CASQ2: variants seen among roughly 807,000 people sequenced by gnomAD.
CASQ2 encodes the protein calsequestrin-2.
Under a neutral mutation model 46.5 loss-of-function variants are expected in CASQ2, and 49 were observed. The observed-to-expected ratio is 1.05, with a 90% CI of 0.84 to 1.34. The LOEUF is 1.34. CASQ2 is among the 40% of genes most tolerant of loss of function. The pLI, the probability that CASQ2 is intolerant of heterozygous loss-of-function variation, is 0.00. For missense variants in CASQ2, 486 were observed against 481.3 expected (o/e 1.01, Z -0.09); for synonymous variants, 174 against 168.5 (o/e 1.03, Z -0.25).
intron 1 of CASQ2, among the ~76,000 whole-genome samples, chr1:115,758,250 T>C (rs1648826670): frequency 6.6e-6 from 1 of 152,276 alleles, no homozygotes; most frequent in Non-Finnish European, 1.5e-5. Flanking sequence ...ACTCTCTGGC[T>C]AATTTCTCTG....
chr1:115,743,758 A>T (rs1648279496), intron 2 of CASQ2, among the ~76,000 whole-genome samples: 1 of 86,406 alleles, frequency 1.2e-5, no homozygotes, highest in African/African-American at 2.8e-5. Flanking sequence ...CCTGTTTTAT[A>T]ACCCGCTATT....
At chr1:115,716,297 G>C (rs556832682) in intron 8 of CASQ2, among the ~76,000 whole-genome samples, 1 of 152,136 alleles carries the variant, frequency 6.6e-6, no homozygotes, top group Non-Finnish European at 1.5e-5. Flanking sequence ...GAGAAAAGTT[G>C]TCCAAGTTCC....
At chr1:115,719,723 G>A (rs1210826516) in intron 7 of CASQ2, among the ~76,000 whole-genome samples, 1 of 152,150 alleles carries the variant, frequency 6.6e-6, no homozygotes, top group Non-Finnish European at 1.5e-5. Context: ...GCAAGTTGGG[G>A]TTACTCAGTG....
At chr1:115,736,636 C>A (rs1335202062) in intron 4 of CASQ2, among the ~76,000 whole-genome samples, 1 of 151,350 alleles carries the variant, frequency 6.6e-6, no homozygotes, top group Admixed American at 6.6e-5. Context: ...AACTAGGTCT[C>A]AAAAAAAAGC....
At chr1:115,728,014 G>A (rs1647654173) in intron 5 of CASQ2, among the ~76,000 whole-genome samples, 1 of 152,194 alleles carries the variant, frequency 6.6e-6, no homozygotes, top group Admixed American at 6.5e-5. Flanking sequence ...ACGCTCTATA[G>A]AAAACCAAAT....
In CASQ2 at chr1:115,758,556, T is replaced by C. The variant is rs569136477; in HGVS notation, c.234+9752A>G. On this transcript the variant is annotated intron_variant, in intron 1 of 10. Transcript: ENST00000261448. ...TACATTAAAATTTGATCCCCAATGT[T>C]GGAGGTGGGGCCTAATGGGAGGTCT... Among the ~76,000 whole-genome samples the C allele has an allele frequency of 1.2e-4, 18 of 152,322 alleles. 1 individual carries two copies. In the South Asian group the frequency reaches 3.7e-3, roughly 32 times the overall value.
chr1:115,752,331 C>T (rs1648610611), intron 1 of CASQ2, among the ~76,000 whole-genome samples: 2 of 152,188 alleles, frequency 1.3e-5, no homozygotes, highest in African/African-American at 2.4e-5. Context: ...ATGTTGTAGC[C>T]TGTAAGCTCT....
intron 8 of CASQ2, among the ~76,000 whole-genome samples, chr1:115,707,848 C>T (rs1466730832): frequency 1.3e-5 from 2 of 152,110 alleles, no homozygotes; most frequent in African/African-American, 2.4e-5. Flanking sequence ...GGATGAAATG[C>T]AAAAACACAG....
chr1:115,719,275 T>TC (rs35356483), intron 7 of CASQ2, among the ~76,000 whole-genome samples: 90,926 of 151,978 alleles, frequency 0.6, 27,650 homozygotes, highest in African/African-American at 0.7. Flanking sequence ...ATTACACAAA[T>TC]CGACAGCAAC....
chr1:115,757,441 G>A (rs1648799199), intron 1 of CASQ2, among the ~76,000 whole-genome samples: 2 of 152,168 alleles, frequency 1.3e-5, no homozygotes, highest in Admixed American at 1.3e-4. Flanking sequence ...TGTGAATTTG[G>A]AGATTGCCAT....
At chr1:115,744,209 T>G (rs1648303708) in intron 2 of CASQ2, among the ~76,000 whole-genome samples, 1 of 151,976 alleles carries the variant, frequency 6.6e-6, no homozygotes, top group African/African-American at 2.4e-5. Flanking sequence ...ATTCTCTCTC[T>G]TTGGGATTAC....
rs116018051 is a variant in CASQ2, at chr1:115,713,864, G to A, written c.838+3976C>T. The stretch of plus-strand genomic sequence containing the variant: ...AGGGGCCCTTGGGAAATCTAAGCTC[G>A]ATTTCCCACTATTCCTATAACCCTG... On this transcript the variant is annotated intron_variant, in intron 8 of 10. Coordinates refer to ENST00000261448, the MANE Select transcript of CASQ2 (RefSeq NM_001232.4). Among the ~76,000 whole-genome samples, 1,187 of 152,192 alleles carry A rather than the reference G, an allele frequency of 7.8e-3. 20 individuals are homozygous for A. Among genetic ancestry groups the A allele is most frequent in the African/African-American group, 0.027 (1,133 of 41,530 alleles).
chr1:115,726,978 G>C lies in CASQ2; in HGVS notation c.737+14C>G. 1 of 1,003,602 alleles carries C rather than the reference G, an allele frequency of 1.0e-6. No homozygotes were observed. The highest frequency in any genetic ancestry group is 1.5e-6 in the Non-Finnish European group (1 of 676,376). 62.2% of individuals were successfully genotyped at this position (1,003,602 alleles called of 1,614,324 possible). ...GACCCCAGGCCCCCAGCCCCCACAT[G>C]CCATCTCAGGCACCTTTGGTGTTCC... On this transcript the variant is annotated intron_variant, in intron 6 of 10. Transcript: ENST00000261448.
In CASQ2 at chr1:115,701,415, G is replaced by A. The variant is rs774882087; in HGVS notation, c.1026C>T (p.Val342=). 1.9e-6 allele frequency: 3 copies of A among 1,611,948 alleles called. No individual in the cohort carries two copies. The highest frequency in any genetic ancestry group is 3.3e-5 in the Admixed American group (2 of 60,016). ...GVVNVTDADS[V]WMEIPDDDDL... ...CGTCATCATCTGGAATCTCCATCCAGACACTGTCAGCCTGCAGTGAGGGAC... is the reference window on the plus strand; with the variant it reads ...CGTCATCATCTGGAATCTCCATCCAAACACTGTCAGCCTGCAGTGAGGGAC... Residue 342 remains valine, a synonymous_variant, in exon 11 of 11, where the codon GTC becomes GTT. Transcript: ENST00000261448.
rs921759713 is a variant in CASQ2, at chr1:115,717,738, G to A, written c.838+102C>T. 6 of 904,088 alleles carry A rather than the reference G, an allele frequency of 6.6e-6. No homozygotes were observed. The East Asian group carries it at 1.4e-4, about 22-fold the overall frequency. The allele number at this position is 904,088 out of a possible 1,614,324, so 56.0% of individuals were successfully genotyped here. A position where few individuals can be genotyped will look rare whatever the true frequency, so the allele number is the denominator to read the frequency against. On this transcript the variant is annotated intron_variant, in intron 8 of 10. Coordinates refer to ENST00000261448, the MANE Select transcript of CASQ2 (RefSeq NM_001232.4). Reference sequence around the variant, plus strand: ...AGGGGGTGCCCAATATCTTGCAGTTGCATTGTGGATGGGATGTGAGAGAAG... The same window carrying A: ...AGGGGGTGCCCAATATCTTGCAGTTACATTGTGGATGGGATGTGAGAGAAG...
At chr1:115,750,010 CTCTT>C (rs1207455044) in intron 1 of CASQ2, among the ~76,000 whole-genome samples, 1 of 152,202 alleles carries the variant, frequency 6.6e-6, no homozygotes, top group Non-Finnish European at 1.5e-5. Context: ...TACATTGTGA[CTCTT>C]TCCTCCATAA....
chr1:115,759,626 G>T (rs1230561233), intron 1 of CASQ2, among the ~76,000 whole-genome samples: 1 of 152,174 alleles, frequency 6.6e-6, no homozygotes, highest in Non-Finnish European at 1.5e-5. Context: ...GACTTAGACA[G>T]TAAGTAAGTA....
chr1:115,765,987 G>A (rs775471303), intron 1 of CASQ2, among the ~76,000 whole-genome samples: 17 of 152,170 alleles, frequency 1.1e-4, no homozygotes, highest in East Asian at 1.9e-4. Context: ...TGGACTTCCC[G>A]GAGCCATTTT....
chr1:115,711,667 G>A (rs1357911408), intron 8 of CASQ2, among the ~76,000 whole-genome samples: 1 of 139,422 alleles, frequency 7.2e-6, no homozygotes, highest in Non-Finnish European at 1.5e-5. Context: ...CTTTGTTTTT[G>A]TTTTTGAGAT....
Sources: gnomAD v4.1 joint callset for allele counts (sites outside exome capture counted in the v4.1 genomes callset) on GRCh38, gnomAD v4.1.1 for gene constraint, MANE v1.5 for transcripts, NCBI Gene and HGNC (gene_info 2026-07-23, HGNC 2026-07-21) for gene names.